The following ZNF385D variants were observed in gnomAD, a reference collection of about 807,000 sequenced individuals.
ZNF385D encodes zinc finger protein 385D.
A neutral mutation model predicts 35.8 loss-of-function variants in ZNF385D; 15 were observed. That is an observed-to-expected ratio of 0.42 (90% CI 0.28 to 0.64). The LOEUF (loss-of-function observed/expected upper bound fraction) is 0.64, where lower values mean the gene tolerates loss of function less well. Among genes scored for constraint, ZNF385D ranks in the 30% least tolerant of loss-of-function variants. The pLI, the probability that ZNF385D is intolerant of heterozygous loss-of-function variation, is 0.23. For missense variants in ZNF385D, 474 were observed against 494.6 expected, an observed-to-expected ratio of 0.96 and a Z score of 0.39; for synonymous variants, 212 against 186.8, an observed-to-expected ratio of 1.13 and a Z score of -1.10.
At chr3:21,639,430 T>C (rs1237385374) in intron 2 of ZNF385D, among the ~76,000 whole-genome samples, 9 of 146,082 alleles carry the variant, frequency 6.2e-5, no homozygotes, top group Admixed American at 6.1e-4. Context: ...AAAGCTAATA[T>C]AATTTTTAAC....
At chr3:21,951,737 A>G (rs1278075175) in intron 3 of ZNF385D, among the ~76,000 whole-genome samples, 1 of 151,648 alleles carries the variant, frequency 6.6e-6, no homozygotes, top group Non-Finnish European at 1.5e-5. Context: ...ACATACTGAA[A>G]TAAACCCTTC....
chr3:22,138,580 T>C (rs1704303016), intron 3 of ZNF385D, among the ~76,000 whole-genome samples: 1 of 151,364 alleles, frequency 6.6e-6, no homozygotes, highest in Non-Finnish European at 1.5e-5. Context: ...GATTCCTTAT[T>C]TAATAAATGG....
chr3:22,263,218 T>C (rs1700724312), intron 2 of ZNF385D, among the ~76,000 whole-genome samples: 1 of 151,976 alleles, frequency 6.6e-6, no homozygotes, highest in African/African-American at 2.4e-5. Context: ...TGCAATGACG[T>C]ACTGTGCCTG....
At chr3:21,946,737 C>A (rs1217172013) in intron 3 of ZNF385D, among the ~76,000 whole-genome samples, 1 of 152,098 alleles carries the variant, frequency 6.6e-6, no homozygotes, top group East Asian at 1.9e-4. Flanking sequence ...GAGGCTGAAG[C>A]AGGAGAAACA....
intron 3 of ZNF385D, among the ~76,000 whole-genome samples, chr3:21,841,182 C>T (rs192743351): frequency 7.2e-5 from 11 of 152,110 alleles, no homozygotes; most frequent in Admixed American, 1.3e-4. Context: ...AACTGCATAT[C>T]GTGGGCATCC....
chr3:21,476,708 G>T (rs1046651610), intron 4 of ZNF385D, among the ~76,000 whole-genome samples: 1 of 151,882 alleles, frequency 6.6e-6, no homozygotes, highest in Non-Finnish European at 1.5e-5. Flanking sequence ...AATTAAAATA[G>T]AACCTTTCTC....
At chr3:21,994,118 A>G (rs995278976) in intron 3 of ZNF385D, among the ~76,000 whole-genome samples, 1 of 152,194 alleles carries the variant, frequency 6.6e-6, no homozygotes, top group African/African-American at 2.4e-5. Flanking sequence ...TTACTGGGAT[A>G]TGGTTTTCCT....
chr3:22,017,721 A>G (rs1308503583), intron 3 of ZNF385D, among the ~76,000 whole-genome samples: 1 of 151,988 alleles, frequency 6.6e-6, no homozygotes, highest in Admixed American at 6.6e-5. Flanking sequence ...TAAATTTATA[A>G]CATATTTCTC....
Position 22,127,317 on chromosome 3 carries a change from C to CTTTT in ZNF385D, c.325+41496_325+41499dup, listed in dbSNP as rs71044975. Among the ~76,000 whole-genome samples, 67 of 56,326 alleles carry CTTTT rather than the reference C, an allele frequency of 1.2e-3. 8 individuals carry two copies. Among genetic ancestry groups the CTTTT allele is most frequent in the Non-Finnish European group, 1.6e-3 (49 of 30,478 alleles). The allele number at this position is 56,326 out of a possible 152,430, so 37.0% of individuals were successfully genotyped here. A position where few individuals can be genotyped will look rare whatever the true frequency, so the allele number is the denominator to read the frequency against. ...TCTGGTAGTATGTTTTCATTTCCTG[C>CTTTT]TTTTTTTTTTTTTTTTTTTTTTTTT... is the stretch of plus-strand genomic sequence containing the variant. On this transcript the variant is annotated intron_variant, in intron 3 of 5. Coordinates refer to the ZNF385D transcript ENST00000494108.
chr3:22,339,607 A>T (rs920374846), intron 2 of ZNF385D, among the ~76,000 whole-genome samples: 1 of 152,220 alleles, frequency 6.6e-6, no homozygotes, highest in Admixed American at 6.5e-5. Flanking sequence ...GCTCAGAAAT[A>T]AAGTAGTACC....
At chr3:22,105,391 G>A (rs1156260952) in intron 3 of ZNF385D, among the ~76,000 whole-genome samples, 1 of 150,924 alleles carries the variant, frequency 6.6e-6, no homozygotes, top group East Asian at 1.9e-4. Context: ...ATATGTGTGT[G>A]TATACATATA....
At chr3:21,783,911 G>C (rs1404284534) in intron 3 of ZNF385D, among the ~76,000 whole-genome samples, 1 of 152,130 alleles carries the variant, frequency 6.6e-6, no homozygotes, top group Non-Finnish European at 1.5e-5. Context: ...CACTTCCTAT[G>C]ACAAGACTAA....
Position 21,440,480 on chromosome 3 carries a change from C to A in ZNF385D, c.440-3277G>T, listed in dbSNP as rs115545597. Among the ~76,000 whole-genome samples, 940 of 152,066 alleles carry A rather than the reference C, an allele frequency of 6.2e-3. 3 individuals carry two copies. Among genetic ancestry groups the A allele is most frequent in the Admixed American group, 0.014 (207 of 15,248 alleles). Reference sequence around the variant, plus strand: ...CAGAACTATCACAGTCTAGAGGAGCCTAAGGAAATATGAGAAATCAGTGTA... The same window carrying A: ...CAGAACTATCACAGTCTAGAGGAGCATAAGGAAATATGAGAAATCAGTGTA... On this transcript the variant is annotated intron_variant, in intron 4 of 7. Coordinates refer to ENST00000281523, the MANE Select transcript of ZNF385D (RefSeq NM_024697.3).
chr3:22,079,156 T>A (rs984687482), intron 3 of ZNF385D, among the ~76,000 whole-genome samples: 1 of 152,032 alleles, frequency 6.6e-6, no homozygotes, highest in African/African-American at 2.4e-5. Context: ...TAACCTACAT[T>A]AGCCAATGCT....
chr3:22,105,458 G>C (rs1323202426), intron 3 of ZNF385D, among the ~76,000 whole-genome samples: 1 of 152,070 alleles, frequency 6.6e-6, no homozygotes, highest in Non-Finnish European at 1.5e-5. Context: ...GAGAGAAAGA[G>C]AGACTTAATA....
intron 2 of ZNF385D, among the ~76,000 whole-genome samples, chr3:21,618,545 G>T (rs56151931): frequency 0.21 from 32,667 of 152,006 alleles, 4,732 homozygotes; most frequent in African/African-American, 0.42. Context: ...TATTCAGAAT[G>T]AATTGGGTAA....
intron 3 of ZNF385D, among the ~76,000 whole-genome samples, chr3:21,836,986 C>T (rs888231470): frequency 6.6e-6 from 1 of 151,958 alleles, no homozygotes; most frequent in African/African-American, 2.4e-5. Context: ...TAAGGAGAAA[C>T]ATGAAACTTG....
chr3:22,212,333 T>C, intron 2 of ZNF385D, among the ~76,000 whole-genome samples: 1 of 152,154 alleles, frequency 6.6e-6, no homozygotes, highest in Admixed American at 6.6e-5. Context: ...GTGCCTGCAC[T>C]TCTTCATGCC....
chr3:21,519,129 G>C (rs908070207), intron 3 of ZNF385D, among the ~76,000 whole-genome samples: 1 of 152,026 alleles, frequency 6.6e-6, no homozygotes, highest in Non-Finnish European at 1.5e-5. Context: ...AGAAAAAAAG[G>C]GGGGGAAAGA....
Sources: gnomAD v4.1 joint callset for allele counts (sites outside exome capture counted in the v4.1 genomes callset) on GRCh38, gnomAD v4.1.1 for gene constraint, MANE v1.5 for transcripts, NCBI Gene and HGNC (gene_info 2026-07-23, HGNC 2026-07-21) for gene names.